SERPINI1: variants seen among roughly 807,000 people sequenced by gnomAD.
SERPINI1 encodes serpin family I member 1.
Under a neutral mutation model 41.1 loss-of-function variants are expected in SERPINI1, and 19 were observed. That is an observed-to-expected ratio of 0.46 (90% CI 0.32 to 0.68). SERPINI1 has a LOEUF of 0.68. Among genes scored for constraint, SERPINI1 ranks in the 30% least tolerant of loss-of-function variants. The pLI is 0.03. For missense variants in SERPINI1, 460 were observed against 479.2 expected, an observed-to-expected ratio of 0.96 and a Z score of 0.37; for synonymous variants, 138 against 156.6, an observed-to-expected ratio of 0.88 and a Z score of 0.89.
chr3:167,788,092 G>A (rs1727373190), intron 1 of SERPINI1, among the ~76,000 whole-genome samples: 1 of 152,186 alleles, frequency 6.6e-6, no homozygotes, highest in Non-Finnish European at 1.5e-5. Flanking sequence ...TTAATTGTAT[G>A]AATAAACAGT....
intron 1 of SERPINI1, among the ~76,000 whole-genome samples, chr3:167,779,083 G>A (rs893314032): frequency 3.3e-5 from 5 of 152,124 alleles, no homozygotes; most frequent in East Asian, 1.9e-4. Context: ...CATTGATACC[G>A]TACAAATTCA....
intron 1 of SERPINI1, among the ~76,000 whole-genome samples, chr3:167,739,347 T>C (rs866811656): frequency 6.6e-6 from 1 of 152,176 alleles, no homozygotes; most frequent in African/African-American, 2.4e-5. Flanking sequence ...TTGAGACAGT[T>C]TGCGCTTTGA....
At chr3:167,791,451 A>G (rs1479615645) in intron 3 of SERPINI1, among the ~76,000 whole-genome samples, 1 of 152,192 alleles carries the variant, frequency 6.6e-6, no homozygotes, top group Non-Finnish European at 1.5e-5. Flanking sequence ...ATGAGAGAAT[A>G]CAGAGCAAAT....
Position 167,825,286 on chromosome 3 carries a change from C to A in SERPINI1, c.1196C>A (p.Thr399Lys). The change falls in exon 9 of 9, where the codon ACA becomes AAA. Residue 399 changes from threonine (T) to lysine (K), a missense_variant. Transcript: ENST00000446050. ...ATGGGACGAGTCATGCATCCTGAAA[C>A]AATGAACACAAGTGGACATGATTTC... ...LFMGRVMHPE[T>K]MNTSGHDFEE... 6.2e-7 allele frequency: 1 copy of A among 1,613,372 alleles called. No individual in the cohort carries two copies. Among genetic ancestry groups the A allele is most frequent in the Non-Finnish European group, 8.5e-7 (1 of 1,179,416 alleles).
In SERPINI1 at chr3:167,775,225, TTTATTATTATTATTATTATTA is replaced by T. The variant is rs558261774; in HGVS notation, c.-18-13853_-18-13833del. ...CCTTCAGGGTACAACGAAGTGTCAC[TTTATTATTATTATTATTATTA>T]TTATTATTATTATTATTATTATTAT... On this transcript the variant is annotated intron_variant, in intron 1 of 8. Coordinates refer to ENST00000446050, the MANE Select transcript of SERPINI1 (RefSeq NM_001122752.2). Among the ~76,000 whole-genome samples the T allele has an allele frequency of 1.4e-3, 187 of 134,336 alleles. 1 individual carries two copies. The highest frequency in any genetic ancestry group is 4.6e-3 in the African/African-American group (166 of 35,948). 88.1% of individuals were successfully genotyped at this position (134,336 alleles called of 152,430 possible). A position where few individuals can be genotyped will look rare whatever the true frequency, so the allele number is the denominator to read the frequency against.
chr3:167,781,929 A>G (rs1435843915), intron 1 of SERPINI1, among the ~76,000 whole-genome samples: 1 of 152,076 alleles, frequency 6.6e-6, no homozygotes, highest in African/African-American at 2.4e-5. Context: ...ACTTGTTTTA[A>G]TGAAGTGTTT....
chr3:167,793,596 A>ATATATATATATATTTTT, intron 4 of SERPINI1, among the ~76,000 whole-genome samples: 3 of 140,610 alleles, frequency 2.1e-5, no homozygotes, highest in African/African-American at 8.2e-5. Context: ...ATATATATAT[A>ATATATATATATATTTTT]TTTTTAATTA....
chr3:167,741,713 G>T (rs1725682437), intron 1 of SERPINI1, among the ~76,000 whole-genome samples: 1 of 152,192 alleles, frequency 6.6e-6, no homozygotes, highest in Non-Finnish European at 1.5e-5. Flanking sequence ...AGCAATTAGT[G>T]TTTTTGAGAT....
At chr3:167,786,771 A>T (rs1195127291) in intron 1 of SERPINI1, among the ~76,000 whole-genome samples, 1 of 152,198 alleles carries the variant, frequency 6.6e-6, no homozygotes, top group Non-Finnish European at 1.5e-5. Context: ...TATACTTTAT[A>T]AAGTTTTAAA....
intron 7 of SERPINI1, 46 bp from the exon 8 acceptor site, chr3:167,824,427 C>G (rs1264877035): frequency 7.1e-7 from 1 of 1,413,272 alleles, no homozygotes; most frequent in African/African-American, 1.4e-5. Flanking sequence ...ACTCATTAGT[C>G]TCTGCACATC....
At position 167,794,564 on chromosome 3, in the gene SERPINI1, C is replaced by G. The variant is rs187443724; in HGVS notation, c.677-56C>G. 62 of 1,474,008 alleles carry G rather than the reference C, an allele frequency of 4.2e-5. 2 individuals carry two copies. In the African/African-American group the frequency reaches 7.4e-4, roughly 17 times the overall value. 91.3% of individuals were successfully genotyped at this position (1,474,008 alleles called of 1,614,324 possible). On this transcript the variant is annotated intron_variant, in intron 4 of 8. Transcript: ENST00000446050. ...AATATGTAGTCTTTCATCTCTCGCC[C>G]CCAGCTTTTTTTAAGCTTTGATAGG...
At chr3:167,792,238 T>G (rs1727545694) in intron 3 of SERPINI1, among the ~76,000 whole-genome samples, 1 of 152,156 alleles carries the variant, frequency 6.6e-6, no homozygotes, top group Non-Finnish European at 1.5e-5. Context: ...AAGTCTAAGC[T>G]TATATTGTAT....
At position 167,792,580 on chromosome 3, in the gene SERPINI1, T is replaced by C. The variant is rs1191419077; in HGVS notation, c.482-10T>C. On this transcript the variant is annotated splice_polypyrimidine_tract_variant and intron_variant, in intron 3 of 8. Transcript: ENST00000446050. ...CATGAATTTTTATCTATTCATTTTT[T>C]CCTAAATAGATCTGGTGAAAGATTT... The C allele has an allele frequency of 1.9e-6, 3 of 1,610,630 alleles. No homozygotes were observed. Among genetic ancestry groups the C allele is most frequent in the South Asian group, 2.2e-5 (2 of 90,804 alleles).
intron 1 of SERPINI1, among the ~76,000 whole-genome samples, chr3:167,784,583 G>C (rs13096218): frequency 6.6e-6 from 1 of 152,094 alleles, no homozygotes. Flanking sequence ...TACAATCATG[G>C]TGGAAGGCAA....
chr3:167,782,200 GATT>G (rs1294285366), intron 1 of SERPINI1, among the ~76,000 whole-genome samples: 2 of 152,178 alleles, frequency 1.3e-5, no homozygotes, highest in African/African-American at 4.8e-5. Flanking sequence ...AGAATGTATT[GATT>G]ATTATGATTA....
chr3:167,769,821 C>G (rs542250406), intron 1 of SERPINI1, among the ~76,000 whole-genome samples: 1 of 151,792 alleles, frequency 6.6e-6, no homozygotes, highest in Non-Finnish European at 1.5e-5. Flanking sequence ...TTTGTAATAT[C>G]TTTTTTATGA....
intron 5 of SERPINI1, among the ~76,000 whole-genome samples, chr3:167,801,371 A>T (rs1727893353): frequency 6.6e-6 from 1 of 152,214 alleles, no homozygotes; most frequent in African/African-American, 2.4e-5. Flanking sequence ...TTATAAAAGC[A>T]GTGTCATGGC....
chr3:167,796,511 C>T (rs557786014), intron 5 of SERPINI1, among the ~76,000 whole-genome samples: 2 of 152,192 alleles, frequency 1.3e-5, no homozygotes, highest in Middle Eastern at 3.4e-3. Flanking sequence ...TCTCCCTCCC[C>T]GCAACCCCCT....
At chr3:167,790,671 T>C in intron 3 of SERPINI1, 69 bp downstream of exon 3, 1 of 1,130,162 alleles carries the variant, frequency 8.8e-7, no homozygotes, top group Non-Finnish European at 1.3e-6. Context: ...TGAAAGTATT[T>C]CCTCCTTGTT....
Sources: allele counts gnomAD v4.1 joint callset (sites outside exome capture counted in the v4.1 genomes callset), GRCh38; gene constraint gnomAD v4.1.1; transcripts MANE v1.5; gene names NCBI Gene and HGNC (gene_info 2026-07-23, HGNC 2026-07-21).